Variants in RYR2 observed in about 807,000 individuals in gnomAD.
RYR2 encodes cardiac muscle ryanodine receptor-calcium release channel.
In RYR2, 227 loss-of-function variants were observed where a neutral mutation model predicts 601.1. That is an observed-to-expected ratio of 0.38 (90% CI 0.34 to 0.42). The LOEUF is 0.42. Among genes scored for constraint, RYR2 ranks in the 10% least tolerant of loss-of-function variants. The pLI, the probability that RYR2 is intolerant of heterozygous loss-of-function variation, is 1.00. For synonymous variants in RYR2, 2,223 were observed against 2,175.1 expected (o/e 1.02, Z -0.61); for missense variants, 4,646 against 6,156.5 (o/e 0.75, Z 8.21).
At chr1:237,791,959 G>GTT in intron 93 of RYR2, 146 bp from the exon 94 acceptor site, 1 of 636,754 alleles carries the variant, frequency 1.6e-6, no homozygotes, top group Non-Finnish European at 2.7e-6. Flanking sequence ...AAAAGCTATC[G>GTT]TTTTTAGCCT....
intron 1 of RYR2, among the ~76,000 whole-genome samples, chr1:237,183,777 A>G (rs966892333): frequency 1.3e-5 from 2 of 152,100 alleles, no homozygotes; most frequent in African/African-American, 4.8e-5. Context: ...CAATTTAGAG[A>G]CTGACCTTTG....
intron 16 of RYR2, among the ~76,000 whole-genome samples, chr1:237,457,487 A>G (rs760822483): frequency 2.6e-5 from 4 of 152,156 alleles, no homozygotes; most frequent in Admixed American, 6.6e-5. Flanking sequence ...GTAAAGAGGG[A>G]CAGTTTAGTA....
chr1:237,661,104 A>G (rs1683748475), intron 56 of RYR2, among the ~76,000 whole-genome samples, 157 bp downstream of exon 56: 1 of 152,076 alleles, frequency 6.6e-6, no homozygotes, highest in South Asian at 2.1e-4. Context: ...TATTTTTTTT[A>G]GTTTCAAAGG....
At chr1:237,807,761 T>C (rs1660804259) in intron 99 of RYR2, among the ~76,000 whole-genome samples, 1 of 152,220 alleles carries the variant, frequency 6.6e-6, no homozygotes, top group African/African-American at 2.4e-5. Context: ...TGAAACCCTC[T>C]GTTAAGGTAA....
intron 2 of RYR2, among the ~76,000 whole-genome samples, chr1:237,276,324 G>C (rs753581703): frequency 6.6e-6 from 1 of 151,984 alleles, no homozygotes; most frequent in East Asian, 1.9e-4. Flanking sequence ...GGTCTAGAAC[G>C]CCTGACCTCA....
At chr1:237,706,927 A>G (rs772453688) in intron 67 of RYR2, 22 bp from the exon 68 acceptor site, 4 of 1,583,962 alleles carry the variant, frequency 2.5e-6, no homozygotes, top group South Asian at 1.1e-5. Context: ...AATATCATCC[A>G]TTTTTATATG....
At chr1:237,376,313 G>T (rs1367602671) in intron 7 of RYR2, among the ~76,000 whole-genome samples, 1 of 152,156 alleles carries the variant, frequency 6.6e-6, no homozygotes, top group Non-Finnish European at 1.5e-5. Flanking sequence ...ACAAAATATT[G>T]CTTGGTAATT....
intron 7 of RYR2, among the ~76,000 whole-genome samples, chr1:237,376,114 G>A (rs1329642280): frequency 4.6e-5 from 7 of 152,090 alleles, no homozygotes; most frequent in Non-Finnish European, 1.5e-5. Context: ...AGCCAATAGT[G>A]GGTACACTAT....
chr1:237,123,528 A>G (rs1671045153), intron 1 of RYR2, among the ~76,000 whole-genome samples: 1 of 152,148 alleles, frequency 6.6e-6, no homozygotes, highest in South Asian at 2.1e-4. Flanking sequence ...TCAAGGTTAC[A>G]GTGAGCTACG....
Position 237,529,532 on chromosome 1 carries a change from C to T in RYR2, c.2823-895C>T, listed in dbSNP as rs929645183. Among the ~76,000 whole-genome samples, 12 of 151,936 alleles carry T rather than the reference C, an allele frequency of 7.9e-5. No homozygotes were observed. The East Asian group carries it at 2.3e-3, about 29-fold the overall frequency. ...ACATATAACCATCAACCTATCCACA[C>T]ATTATTAAAATATTATAGAGATAAG... On this transcript the variant is annotated intron_variant, in intron 24 of 104. Transcript: ENST00000366574.
intron 27 of RYR2, among the ~76,000 whole-genome samples, chr1:237,555,667 C>T (rs1032229232): frequency 1.3e-5 from 2 of 152,142 alleles, no homozygotes; most frequent in Non-Finnish European, 2.9e-5. Flanking sequence ...GACAACATTG[C>T]TTTCCTGATA....
At chr1:237,058,092 C>T (rs1662390775) in intron 1 of RYR2, among the ~76,000 whole-genome samples, 3 of 152,126 alleles carry the variant, frequency 2.0e-5, no homozygotes, top group African/African-American at 7.2e-5. Flanking sequence ...ATGGGAGAAG[C>T]TGATATTGCT....
At position 237,792,199 on chromosome 1, in the gene RYR2, G is replaced by A; in HGVS notation, c.13658G>A (p.Arg4553Lys). The change falls in exon 94 of 105, where the codon AGA (arginine) becomes AAA (lysine). Residue 4553 changes from arginine (R) to lysine (K), a missense_variant. By Grantham distance (26) the Arg-to-Lys change is conservative. Coordinates refer to ENST00000366574, the MANE Select transcript of RYR2 (RefSeq NM_001035.3). ...ACAAGCCTGGACAGCAGCTCCCATA[G>A]AATCATCGCAGTTCACTATGTACTA... ...KVTSLDSSSH[R>K]IIAVHYVLEE... The A allele has an allele frequency of 6.2e-7, 1 of 1,613,668 alleles. No individual in the cohort carries two copies. Among genetic ancestry groups the A allele is most frequent in the Non-Finnish European group, 8.5e-7 (1 of 1,179,786 alleles).
chr1:237,161,765 A>C (rs185262872), intron 1 of RYR2, among the ~76,000 whole-genome samples: 106 of 152,310 alleles, frequency 7.0e-4, no homozygotes, highest in African/African-American at 2.4e-3. Context: ...GTGATGAAAA[A>C]AGACCTGACA....
At chr1:237,120,840 G>A (rs1017951247) in intron 1 of RYR2, 9 of 152,328 alleles carry the variant, frequency 5.9e-5, no homozygotes, top group African/African-American at 2.2e-4. Flanking sequence ...TACATCTGTG[G>A]CCCCGCTGGC....
chr1:237,687,353 C>G, intron 62 of RYR2, 102 bp from the exon 63 acceptor site: 47 of 584,750 alleles, frequency 8.0e-5, no homozygotes, highest in East Asian at 2.1e-4. Context: ...GTTTTTTTTT[C>G]TTTTTTCTTC....
chr1:237,477,593 T>C (rs959069723), intron 17 of RYR2, among the ~76,000 whole-genome samples: 2 of 152,192 alleles, frequency 1.3e-5, no homozygotes, highest in Non-Finnish European at 2.9e-5. Flanking sequence ...CTCATACCAT[T>C]CTAGTTATTA....
intron 27 of RYR2, among the ~76,000 whole-genome samples, chr1:237,559,882 CAT>C (rs971103677): frequency 6.6e-6 from 1 of 152,178 alleles, no homozygotes; most frequent in African/African-American, 2.4e-5. Flanking sequence ...TGTTGCCTGT[CAT>C]GTGTGGCCAC....
At chr1:237,623,218 T>A (rs1434293689) in intron 38 of RYR2, among the ~76,000 whole-genome samples, 1 of 152,116 alleles carries the variant, frequency 6.6e-6, no homozygotes, top group East Asian at 1.9e-4. Flanking sequence ...TATGACTATT[T>A]TGCAGCTTGT....
Sources: gnomAD v4.1 joint callset for allele counts (sites outside exome capture counted in the v4.1 genomes callset) on GRCh38, gnomAD v4.1.1 for gene constraint, MANE v1.5 for transcripts, NCBI Gene and HGNC (gene_info 2026-07-23, HGNC 2026-07-21) for gene names.